Variants in DUSP16 observed in about 807,000 individuals in gnomAD.
DUSP16 encodes the protein dual specificity phosphatase 16.
Under a neutral mutation model 58.3 loss-of-function variants are expected in DUSP16, and 21 were observed. The observed-to-expected ratio is 0.36, with a 90% CI of 0.26 to 0.52. The LOEUF is 0.52. Ranked by LOEUF, DUSP16 falls within the 20% of genes least tolerant of loss-of-function variation. The pLI is 0.94. For synonymous variants in DUSP16, 320 were observed against 323.8 expected (o/e 0.99, Z 0.12); for missense variants, 726 against 819.0 (o/e 0.89, Z 1.39).
At chr12:12,513,331 G>A (rs1944104804) in intron 3 of DUSP16, among the ~76,000 whole-genome samples, 1 of 152,126 alleles carries the variant, frequency 6.6e-6, no homozygotes, top group South Asian at 2.1e-4. Context: ...TATTTTTATA[G>A]ATTGCTATAT....
At chr12:12,487,319 G>T in intron 4 of DUSP16, 132 bp from the exon 5 acceptor site, 2 of 1,021,260 alleles carry the variant, frequency 2.0e-6, no homozygotes, top group South Asian at 2.1e-5. Flanking sequence ...GATCAGTGAA[G>T]TCCAAAAACC....
At chr12:12,540,137 A>G (rs556554298) in intron 1 of DUSP16, among the ~76,000 whole-genome samples, 51 of 151,568 alleles carry the variant, frequency 3.4e-4, no homozygotes, top group African/African-American at 1.1e-3. Flanking sequence ...CTTTAAAAAA[A>G]AAAAAAACTA....
intron 4 of DUSP16, among the ~76,000 whole-genome samples, chr12:12,494,395 T>TTCTG (rs1943800945): frequency 6.6e-6 from 1 of 152,184 alleles, no homozygotes; most frequent in Non-Finnish European, 1.5e-5. Context: ...CATCAAGGTA[T>TTCTG]TCTGGGGCAT....
At chr12:12,523,755 C>T (rs780936312) in intron 1 of DUSP16, among the ~76,000 whole-genome samples, 33 of 152,182 alleles carry the variant, frequency 2.2e-4, no homozygotes, top group African/African-American at 7.2e-4. Flanking sequence ...ACAGAGTTCA[C>T]GGCAATGTAA....
intron 1 of DUSP16, among the ~76,000 whole-genome samples, chr12:12,543,025 C>G (rs1389983297): frequency 2.0e-5 from 3 of 152,166 alleles, no homozygotes; most frequent in Non-Finnish European, 4.4e-5. Flanking sequence ...CCAGATCATG[C>G]TGGCACTCTG....
intron 1 of DUSP16, among the ~76,000 whole-genome samples, chr12:12,534,328 T>C (rs1257134990): frequency 2.6e-5 from 4 of 152,140 alleles, no homozygotes; most frequent in Admixed American, 6.6e-5. Context: ...GGAAGCTGTA[T>C]CAGGAGCAAA....
chr12:12,562,097 G>A lies in DUSP16; in HGVS notation c.-366+20C>T, dbSNP rs1241484099. 1.3e-5 allele frequency: 2 copies of A among 148,794 alleles called. No homozygotes were observed. Among genetic ancestry groups the A allele is most frequent in the African/African-American group, 2.4e-5 (1 of 40,880 alleles). 9.2% of individuals were successfully genotyped at this position (148,794 alleles called of 1,614,324 possible). A position where few individuals can be genotyped will look rare whatever the true frequency, so the allele number is the denominator to read the frequency against. ...ACCCTCCCGCCCGCACACCCCGCGCGGCCCGCCAAGGCCACTTACTTTTGG... is the reference window on the plus strand; with the variant it reads ...ACCCTCCCGCCCGCACACCCCGCGCAGCCCGCCAAGGCCACTTACTTTTGG... On this transcript the variant is annotated intron_variant, in intron 1 of 6. Transcript: ENST00000298573.
At chr12:12,540,529 GC>G (rs1044913811) in intron 1 of DUSP16, among the ~76,000 whole-genome samples, 1 of 152,122 alleles carries the variant, frequency 6.6e-6, no homozygotes, top group Non-Finnish European at 1.5e-5. Context: ...ACTGTGCAAG[GC>G]TTTTTGCTCA....
intron 4 of DUSP16, among the ~76,000 whole-genome samples, chr12:12,492,826 G>T (rs1943779742): frequency 6.6e-6 from 1 of 151,982 alleles, no homozygotes; most frequent in South Asian, 2.1e-4. Flanking sequence ...CATCTTTCTT[G>T]ACCTAAAGTA....
intron 5 of DUSP16, among the ~76,000 whole-genome samples, chr12:12,481,036 T>C (rs1342871621): frequency 1.3e-5 from 2 of 152,160 alleles, no homozygotes; most frequent in African/African-American, 4.8e-5. Flanking sequence ...TTTAAGCAAC[T>C]TTTCTGTATG....
Position 12,525,888 on chromosome 12 carries a change from CTAGT to C in DUSP16, c.-365-4429_-365-4426del, listed in dbSNP as rs1000824361. On this transcript the variant is annotated intron_variant, in intron 1 of 6. Coordinates refer to ENST00000298573, the MANE Select transcript of DUSP16 (RefSeq NM_030640.3). The stretch of plus-strand genomic sequence containing the variant: ...CACAGCTGGCCTGTTTTATGACATA[CTAGT>C]TAGAGAGTACCCTCTATAACTACTC... 1.3e-3 allele frequency among the ~76,000 whole-genome samples: 192 copies of C among 152,134 alleles called. 2 individuals are homozygous for C. Among genetic ancestry groups the C allele is most frequent in the African/African-American group, 4.1e-3 (171 of 41,490 alleles).
At chr12:12,529,455 C>A (rs1944352978) in intron 1 of DUSP16, among the ~76,000 whole-genome samples, 1 of 152,146 alleles carries the variant, frequency 6.6e-6, no homozygotes, top group African/African-American at 2.4e-5. Flanking sequence ...TTATCATGTA[C>A]AACACGATAT....
At chr12:12,488,088 C>T (rs754796287) in intron 4 of DUSP16, among the ~76,000 whole-genome samples, 3 of 152,184 alleles carry the variant, frequency 2.0e-5, no homozygotes, top group Non-Finnish European at 4.4e-5. Context: ...TTATGATTAA[C>T]CCCAAGCTGG....
intron 1 of DUSP16, among the ~76,000 whole-genome samples, chr12:12,549,408 T>C (rs891848135): frequency 4.6e-5 from 7 of 152,162 alleles, no homozygotes; most frequent in Admixed American, 3.9e-4. Context: ...GCCCAGCACA[T>C]GGGGGAGCCC....
intron 5 of DUSP16, among the ~76,000 whole-genome samples, 156 bp downstream of exon 5, chr12:12,486,872 C>T (rs571910172): frequency 6.6e-6 from 1 of 152,286 alleles, no homozygotes; most frequent in East Asian, 1.9e-4. Context: ...TCACCTTGAC[C>T]ACCAGATGAG....
intron 4 of DUSP16, among the ~76,000 whole-genome samples, chr12:12,492,303 G>A (rs1419988773): frequency 6.9e-6 from 1 of 145,302 alleles, no homozygotes; most frequent in Non-Finnish European, 1.5e-5. Flanking sequence ...GAATGACCTT[G>A]CTTCCTACTA....
At chr12:12,519,778 A>G in intron 3 of DUSP16, 84 bp downstream of exon 3, 19 of 1,412,102 alleles carry the variant, frequency 1.3e-5, no homozygotes, top group South Asian at 2.4e-5. Context: ...GGGATGATCT[A>G]TTGTACTGAG....
At chr12:12,559,716 T>G (rs1320399085) in intron 1 of DUSP16, among the ~76,000 whole-genome samples, 1 of 152,150 alleles carries the variant, frequency 6.6e-6, no homozygotes, top group Non-Finnish European at 1.5e-5. Context: ...AATATATTAA[T>G]CCCATATGCT....
At chr12:12,482,018 G>T (rs1592163598) in intron 5 of DUSP16, among the ~76,000 whole-genome samples, 1 of 152,348 alleles carries the variant, frequency 6.6e-6, no homozygotes, top group South Asian at 2.1e-4. Flanking sequence ...TAATGTGTAT[G>T]TGTGAGAATA....
Sources: gnomAD v4.1 joint callset for allele counts (sites outside exome capture counted in the v4.1 genomes callset) on GRCh38, gnomAD v4.1.1 for gene constraint, MANE v1.5 for transcripts, NCBI Gene and HGNC (gene_info 2026-07-23, HGNC 2026-07-21) for gene names.